GRIN2D: variants seen among roughly 807,000 people sequenced by gnomAD.
GRIN2D encodes glutamate ionotropic receptor NMDA type subunit 2D.
GRIN2D carries 37 observed loss-of-function variants against 103.2 expected under a neutral mutation model. That is an observed-to-expected ratio of 0.36 (90% CI 0.28 to 0.47). GRIN2D has a LOEUF of 0.47. Among genes scored for constraint, GRIN2D ranks in the 20% least tolerant of loss-of-function variants. The pLI is 1.00. For missense variants in GRIN2D, 1,557 were observed against 1,910.6 expected (o/e 0.81, Z 3.45); for synonymous variants, 845 against 885.6 (o/e 0.95, Z 0.81).
intron 11 of GRIN2D, among the ~76,000 whole-genome samples, chr19:48,441,382 A>AAG (rs1569074065): frequency 8.5e-5 from 9 of 105,964 alleles, no homozygotes; most frequent in Admixed American, 2.2e-4. Flanking sequence ...AAAAAAAAAA[A>AAG]AAAGAAAGAA....
Position 48,442,775 on chromosome 19 carries a change from G to T in GRIN2D, c.2849G>T (p.Gly950Val). 9.4e-7 allele frequency: 1 copy of T among 1,068,794 alleles called. No individual in the cohort carries two copies. Among genetic ancestry groups the T allele is most frequent in the Non-Finnish European group, 1.1e-6 (1 of 885,330 alleles). 66.2% of individuals were successfully genotyped at this position (1,068,794 alleles called of 1,614,324 possible). A position where few individuals can be genotyped will look rare whatever the true frequency, so the allele number is the denominator to read the frequency against. Residue 950 changes from glycine to valine, a missense_variant, in exon 14 of 14, where the codon GGG (glycine) becomes GTG (valine). Physicochemically the swap from Gly to Val is moderately radical, Grantham distance 109. Transcript: ENST00000263269. This position sits in a 1 kb window ranked among gnomAD's most constrained non-coding sequence, Gnocchi z 7.2. ...VDRWRRTKGA[G>V]PPGGAGLADG... ...CGCTGGCGCCGGACCAAGGGCGCGG[G>T]GCCGCCGGGGGGCGCGGGCCTGGCC...
At chr19:48,399,226 C>A (rs995009845) in intron 3 of GRIN2D, among the ~76,000 whole-genome samples, 4 of 152,090 alleles carry the variant, frequency 2.6e-5, no homozygotes, top group African/African-American at 9.7e-5. Flanking sequence ...ATGGCAAAAT[C>A]TGAGGGAGGG....
At chr19:48,419,844 C>A (rs276709) in intron 10 of GRIN2D, 30 bp downstream of exon 10, 635,440 of 1,445,846 alleles carry the variant, frequency 0.44, 134,785 homozygotes, top group East Asian at 0.63. Flanking sequence ...TGGGCTGGAG[C>A]TGGGGCTGGG....
At chr19:48,427,843 TTTAAG>T (rs1460517340) in intron 11 of GRIN2D, among the ~76,000 whole-genome samples, 2 of 152,138 alleles carry the variant, frequency 1.3e-5, no homozygotes, top group Non-Finnish European at 2.9e-5. Flanking sequence ...TTCTAACTAA[TTTAAG>T]TTCACAATTA....
In GRIN2D at chr19:48,442,162, T is replaced by C. The variant is rs1381661691; in HGVS notation, c.2453T>C (p.Met818Thr). ...LQFLGDDEIE[M>T]LERLWLSGIC... ...CGCCCCTCCCTAGATGAGATCGAGA[T>C]GCTGGAGCGGCTGTGGCTCTCTGGG... The change falls in exon 13 of 14, where the codon ATG becomes ACG. Residue 818 changes from methionine (M) to threonine (T), a missense_variant. Physicochemically the swap from Met to Thr is moderately conservative, Grantham distance 81. Coordinates refer to ENST00000263269, the MANE Select transcript of GRIN2D (RefSeq NM_000836.4). The surrounding 1 kb of genome is among the most constrained non-coding windows in gnomAD (Gnocchi z 7.2). 1 of 1,614,128 alleles carries C rather than the reference T, an allele frequency of 6.2e-7. No homozygotes were observed. Among genetic ancestry groups the C allele is most frequent in the South Asian group, 1.1e-5 (1 of 91,088 alleles).
rs1161188944 is a variant in GRIN2D, at chr19:48,416,022, C to CA, written c.1603dup (p.Met535AsnfsTer109). On this transcript the variant is annotated frameshift_variant, in exon 8 of 14. Transcript: ENST00000263269. LOFTEE classifies it high-confidence loss of function. The stretch of plus-strand genomic sequence containing the variant: ...CCCAGGTGTTCTACCAGCGCGCAGA[C>CA]ATGGCCATCGGCTCCCTCACCATCA... 6.2e-7 allele frequency: 1 copy of CA among 1,613,756 alleles called. No homozygotes were observed. Among genetic ancestry groups the CA allele is most frequent in the Non-Finnish European group, 8.5e-7 (1 of 1,179,924 alleles).
chr19:48,418,778 A>T (rs1243984275), intron 8 of GRIN2D, among the ~76,000 whole-genome samples: 5 of 152,190 alleles, frequency 3.3e-5, no homozygotes, highest in South Asian at 4.2e-4. Flanking sequence ...GGACATGATG[A>T]ATGGCCTGAG....
rs771786762 is a variant in GRIN2D, at chr19:48,442,402, G to A, written c.2673+20G>A. 1.9e-6 allele frequency: 3 copies of A among 1,594,276 alleles called. No individual in the cohort carries two copies. Among genetic ancestry groups the A allele is most frequent in the African/African-American group, 1.3e-5 (1 of 74,762 alleles). On this transcript the variant is annotated intron_variant, in intron 13 of 13. Coordinates refer to ENST00000263269, the MANE Select transcript of GRIN2D (RefSeq NM_000836.4). The surrounding 1 kb of genome is among the most constrained non-coding windows in gnomAD (Gnocchi z 7.2). ...TCCAGGGTATGGGGCAGAGAGGGAGGCAGAGAGGGGGAGATGGCAGGGGCG... is the reference window on the plus strand; with the variant it reads ...TCCAGGGTATGGGGCAGAGAGGGAGACAGAGAGGGGGAGATGGCAGGGGCG...
chr19:48,400,536 C>T (rs776196541), intron 3 of GRIN2D, among the ~76,000 whole-genome samples: 1 of 152,180 alleles, frequency 6.6e-6, no homozygotes, highest in Non-Finnish European at 1.5e-5. Context: ...CGTGATCCCT[C>T]GTGCCTTCAT....
chr19:48,441,819 G>A lies in GRIN2D; in HGVS notation c.2303G>A (p.Arg768His), dbSNP rs772617040. ...GCTGCAGTGCTCAATTACATGGCCC[G>A]CAAGGACGAGGGCTGCAAGCTTGTC... is the stretch of plus-strand genomic sequence containing the variant. ...YDAAVLNYMA[R>H]KDEGCKLVTI... is the part of the protein sequence containing the mutation. The change falls in exon 12 of 14, where the codon CGC becomes CAC. Residue 768 changes from arginine (R) to histidine (H), a missense_variant. Arg to His is a conservative substitution (Grantham distance 29). Coordinates refer to ENST00000263269, the MANE Select transcript of GRIN2D (RefSeq NM_000836.4). 3 of 1,613,934 alleles carry A rather than the reference G, an allele frequency of 1.9e-6. No individual in the cohort carries two copies. The highest frequency in any genetic ancestry group is 2.5e-6 in the Non-Finnish European group (3 of 1,179,980).
intron 4 of GRIN2D, among the ~76,000 whole-genome samples, chr19:48,410,572 A>G (rs948923840): frequency 1.5e-5 from 2 of 134,522 alleles, no homozygotes; most frequent in African/African-American, 2.9e-5. Flanking sequence ...TGTGGGTGGC[A>G]CCAGGCCTTT....
chr19:48,398,516 G>A lies in GRIN2D; in HGVS notation c.124G>A (p.Gly42Ser), dbSNP rs935434195. 3.9e-6 allele frequency: 4 copies of A among 1,019,040 alleles called. No individual in the cohort carries two copies. In the African/African-American group the frequency reaches 7.0e-5, roughly 18 times the overall value. 63.1% of individuals were successfully genotyped at this position (1,019,040 alleles called of 1,614,324 possible). ...GGGGCCGGGCGGGGCCGGTGGGCCCGGCGGCGGCCTCGGCGGGGCGCGGCC... is the reference window on the plus strand; with the variant it reads ...GGGGCCGGGCGGGGCCGGTGGGCCCAGCGGCGGCCTCGGCGGGGCGCGGCC... ...APGPGGAGGPGGGLGGARPLN... is the reference protein window; with the variant it reads ...APGPGGAGGPSGGLGGARPLN... The change falls in exon 3 of 14, where the codon GGC (glycine) becomes AGC (serine). Residue 42 changes from glycine to serine, a missense_variant. Around this residue, in one of 7 missense-constraint regions of GRIN2D, gnomAD observed 490 missense variants for 601.1 expected, o/e 0.82. Transcript: ENST00000263269.
At chr19:48,403,198 CAAAAAAAA>C (rs145115482) in intron 3 of GRIN2D, among the ~76,000 whole-genome samples, 17 of 91,320 alleles carry the variant, frequency 1.9e-4, no homozygotes, top group African/African-American at 6.8e-4. Context: ...GACTCTGTCT[CAAAAAAAA>C]AAAAAAAAAA....
rs1393012405 is a variant in GRIN2D, at chr19:48,442,682, C to T, written c.2756C>T (p.Ala919Val). ...PPPPQPLPSP[A>V]YPAPRPAPGP... Reference sequence around the variant, plus strand: ...CCGCCACAGCCCCTGCCCAGCCCCGCGTACCCCGCGCCGCGGCCGGCTCCC... The same window carrying T: ...CCGCCACAGCCCCTGCCCAGCCCCGTGTACCCCGCGCCGCGGCCGGCTCCC... Residue 919 changes from alanine (A) to valine (V), a missense_variant, in exon 14 of 14, where the codon GCG (alanine) becomes GTG (valine). Physicochemically the swap from Ala to Val is moderately conservative, Grantham distance 64. Around this residue, in one of 7 missense-constraint regions of GRIN2D, gnomAD observed 632 missense variants for 572.8 expected, o/e 1.10. Transcript: ENST00000263269. This position sits in a 1 kb window ranked among gnomAD's most constrained non-coding sequence, Gnocchi z 7.2. 2.5e-6 allele frequency: 3 copies of T among 1,221,988 alleles called. No individual in the cohort carries two copies. Among genetic ancestry groups the T allele is most frequent in the Non-Finnish European group, 3.1e-6 (3 of 982,356 alleles). 75.7% of individuals were successfully genotyped at this position (1,221,988 alleles called of 1,614,324 possible).
chr19:48,438,945 ATTT>A (rs759980810), intron 11 of GRIN2D, among the ~76,000 whole-genome samples: 1 of 136,862 alleles, frequency 7.3e-6, no homozygotes. Flanking sequence ...CACCTGGCTA[ATTT>A]TTTTTTTTTT....
rs141403287 is a variant in GRIN2D at position 48,423,111 on chromosome 19, T to G, written c.2252+1166T>G. Among the ~76,000 whole-genome samples, 918 of 152,198 alleles carry G rather than the reference T, an allele frequency of 6.0e-3. 2 individuals are homozygous for G. The highest frequency in any genetic ancestry group is 0.014 in the Middle Eastern group (4 of 294). ...CTGTAATCTCAGCTGCTTGGGAGGC[T>G]GAGGCAGGAGGATCGCTTGAATGCA... On this transcript the variant is annotated intron_variant, in intron 11 of 13. Transcript: ENST00000263269.
At chr19:48,410,282 C>A (rs1162883731) in intron 4 of GRIN2D, among the ~76,000 whole-genome samples, 1 of 150,628 alleles carries the variant, frequency 6.6e-6, no homozygotes, top group Non-Finnish European at 1.5e-5. Flanking sequence ...GTAATCCCAG[C>A]ACTTTGGGAG....
chr19:48,434,239 C>T (rs549143140), intron 11 of GRIN2D, among the ~76,000 whole-genome samples: 4 of 151,650 alleles, frequency 2.6e-5, no homozygotes, highest in Non-Finnish European at 4.4e-5. Context: ...CACAAGCCAC[C>T]GCGCCTGGCG....
chr19:48,413,079 T>C (rs2147449686), intron 4 of GRIN2D, among the ~76,000 whole-genome samples: 1 of 142,280 alleles, frequency 7.0e-6, no homozygotes, highest in South Asian at 2.2e-4. Context: ...GAGGTTGCAG[T>C]GAGCCGAGAC....
Sources: gnomAD v4.1 joint callset for allele counts (sites outside exome capture counted in the v4.1 genomes callset) on GRCh38, gnomAD v4.1.1 for gene constraint, gnomAD v4.1.1 regional missense constraint, Gnocchi (gnomAD v3.1) non-coding constraint, MANE v1.5 for transcripts, NCBI Gene and HGNC (gene_info 2026-07-23, HGNC 2026-07-21) for gene names.